Variants in ACTR2 observed in about 807,000 individuals in gnomAD.
ACTR2 encodes actin related protein 2, also known as actin-related protein 2.
ACTR2 carries 5 observed loss-of-function variants against 50.2 expected under a neutral mutation model. The ratio of observed to expected loss-of-function variants is 0.10; its 90% CI spans 0.05 to 0.21. The LOEUF (loss-of-function observed/expected upper bound fraction) is 0.21. Among genes scored for constraint, ACTR2 ranks in the 10% least tolerant of loss-of-function variants. The pLI, the probability that ACTR2 is intolerant of heterozygous loss-of-function variation, is 1.00. For synonymous variants in ACTR2, 140 were observed against 162.9 expected (o/e 0.86, Z 1.07); for missense variants, 180 against 480.6 (o/e 0.37, Z 5.85).
intron 6 of ACTR2, among the ~76,000 whole-genome samples, chr2:65,257,329 T>A (rs1315883545): frequency 6.6e-6 from 1 of 152,220 alleles, no homozygotes; most frequent in African/African-American, 2.4e-5. Context: ...TGTGCCACAT[T>A]TTCTTTATCC....
chr2:65,255,794 C>T, intron 6 of ACTR2, 100 bp downstream of exon 6: 1 of 1,139,564 alleles, frequency 8.8e-7, no homozygotes, highest in Middle Eastern at 2.1e-4. Context: ...GTATTTTTGT[C>T]TTGGGTTGTT....
At chr2:65,247,172 CTT>C (rs547002126) in intron 3 of ACTR2, among the ~76,000 whole-genome samples, 104 of 152,232 alleles carry the variant, frequency 6.8e-4, no homozygotes, top group African/African-American at 2.5e-3. Context: ...CACGTGCAAA[CTT>C]AACTACCACC....
chr2:65,260,609 G>T (rs1672249839), intron 6 of ACTR2, among the ~76,000 whole-genome samples: 1 of 152,060 alleles, frequency 6.6e-6, no homozygotes, highest in Non-Finnish European at 1.5e-5. Context: ...ACACATACCA[G>T]CAATAATCAA....
chr2:65,248,410 A>G (rs1173938519), intron 3 of ACTR2, among the ~76,000 whole-genome samples: 1 of 152,058 alleles, frequency 6.6e-6, no homozygotes, highest in East Asian at 1.9e-4. Context: ...AAAAAGAAAA[A>G]AAGGGAATTG....
At position 65,246,663 on chromosome 2, in the gene ACTR2, T is replaced by C. The variant is rs1388194705; in HGVS notation, c.299T>C (p.Ile100Thr). Reference sequence around the variant, plus strand: ...ACATTTGGACCAGAGAAACTTAATATAGATACCAGAAATTGTAAAATCTTA... The same window carrying C: ...ACATTTGGACCAGAGAAACTTAATACAGATACCAGAAATTGTAAAATCTTA... ...DYTFGPEKLN[I>T]DTRNCKILLT... The change falls in exon 3 of 9, where the codon ATA becomes ACA. Residue 100 changes from isoleucine to threonine, a missense_variant. Transcript: ENST00000260641. 1 of 1,613,586 alleles carries C rather than the reference T, an allele frequency of 6.2e-7. No homozygotes were observed. The highest frequency in any genetic ancestry group is 2.2e-5 in the East Asian group (1 of 44,788).
intron 6 of ACTR2, among the ~76,000 whole-genome samples, chr2:65,258,219 GT>G (rs1672189267): frequency 6.6e-6 from 1 of 152,144 alleles, no homozygotes; most frequent in Non-Finnish European, 1.5e-5. Flanking sequence ...AACTAGGAAT[GT>G]AAAACATGTT....
chr2:65,267,741 C>A (rs540521858), intron 8 of ACTR2, among the ~76,000 whole-genome samples: 22 of 151,440 alleles, frequency 1.5e-4, no homozygotes, highest in Non-Finnish European at 2.8e-4. Flanking sequence ...AAGAACATTT[C>A]ATTTGATTTT....
chr2:65,253,824 T>G lies in ACTR2; in HGVS notation c.545T>G (p.Leu182Arg). 1 of 1,613,106 alleles carries G rather than the reference T, an allele frequency of 6.2e-7. No homozygotes were observed. The highest frequency in any genetic ancestry group is 8.5e-7 in the Non-Finnish European group (1 of 1,179,074). Residue 182 changes from leucine to arginine, a missense_variant, in exon 5 of 9, where the codon CTG (leucine) becomes CGG (arginine). Coordinates refer to ENST00000260641, the MANE Select transcript of ACTR2 (RefSeq NM_005722.4). ...GFSLPHLTRR[L>R]DIAGRDITRY... ...TCTCTCCCTCATCTTACCAGGAGAC[T>G]GGATATTGCTGGGAGGGATATAACT...
At chr2:65,257,451 T>C (rs1243309087) in intron 6 of ACTR2, among the ~76,000 whole-genome samples, 2 of 152,358 alleles carry the variant, frequency 1.3e-5, no homozygotes, top group East Asian at 1.9e-4. Context: ...TTATAATCCT[T>C]TGGGTATATA....
intron 7 of ACTR2, 21 bp downstream of exon 7, chr2:65,261,413 T>C: frequency 6.3e-7 from 1 of 1,589,704 alleles, no homozygotes; most frequent in Non-Finnish European, 8.6e-7. Flanking sequence ...AGTGGTGATT[T>C]CAAAGTTATT....
intron 7 of ACTR2, among the ~76,000 whole-genome samples, chr2:65,263,625 A>G (rs1463239981): frequency 6.6e-6 from 1 of 152,246 alleles, no homozygotes; most frequent in African/African-American, 2.4e-5. Context: ...AACAAGCTAT[A>G]AACCTGGTAG....
intron 7 of ACTR2, among the ~76,000 whole-genome samples, chr2:65,264,784 C>T (rs1416532822): frequency 6.6e-6 from 1 of 152,076 alleles, no homozygotes; most frequent in Non-Finnish European, 1.5e-5. Flanking sequence ...TATTAGAAGT[C>T]TCAGTTATAT....
chr2:65,246,513 T>C lies in ACTR2; in HGVS notation c.160-11T>C. On this transcript the variant is annotated splice_polypyrimidine_tract_variant and intron_variant, in intron 2 of 8. Transcript: ENST00000260641. ...AAAACTTTGATCTACAGCTTTGACA[T>C]AATTTTCTAGGATCTTATGGTTGGT... The C allele has an allele frequency of 3.8e-6, 6 of 1,571,054 alleles. No individual in the cohort carries two copies. The highest frequency in any genetic ancestry group is 5.2e-6 in the Non-Finnish European group (6 of 1,159,150).
chr2:65,257,908 T>G (rs1341015787), intron 6 of ACTR2, among the ~76,000 whole-genome samples: 1 of 152,250 alleles, frequency 6.6e-6, no homozygotes, highest in Non-Finnish European at 1.5e-5. Context: ...TTCACTCTGA[T>G]GATAGTTTCT....
At chr2:65,258,672 G>A (rs536882447) in intron 6 of ACTR2, among the ~76,000 whole-genome samples, 1 of 152,254 alleles carries the variant, frequency 6.6e-6, no homozygotes, top group Admixed American at 6.5e-5. Context: ...ATAAGCTGAT[G>A]AATAAGTGAG....
chr2:65,246,377 G>A, intron 2 of ACTR2, 147 bp from the exon 3 acceptor site: 1 of 608,504 alleles, frequency 1.6e-6, no homozygotes, highest in Non-Finnish European at 2.8e-6. Flanking sequence ...AACTTTCTAA[G>A]ACATTGTTCT....
intron 7 of ACTR2, among the ~76,000 whole-genome samples, chr2:65,263,507 G>A (rs1207388820): frequency 6.6e-6 from 1 of 152,140 alleles, no homozygotes; most frequent in South Asian, 2.1e-4. Flanking sequence ...TGTACAGCAA[G>A]CATTTATTTG....
chr2:65,235,061 GATA>G (rs933156031), intron 1 of ACTR2, among the ~76,000 whole-genome samples: 3 of 152,086 alleles, frequency 2.0e-5, no homozygotes, highest in Non-Finnish European at 4.4e-5. Context: ...GAACAATAGG[GATA>G]ATGATGAGAA....
chr2:65,246,325 A>T, intron 2 of ACTR2, 199 bp from the exon 3 acceptor site: 1 of 448,574 alleles, frequency 2.2e-6, no homozygotes, highest in Non-Finnish European at 4.0e-6. Context: ...CAATTTATTG[A>T]TTTAAACCAC....
Sources: allele counts gnomAD v4.1 joint callset (sites outside exome capture counted in the v4.1 genomes callset), GRCh38; gene constraint gnomAD v4.1.1; transcripts MANE v1.5; gene names NCBI Gene and HGNC (gene_info 2026-07-23, HGNC 2026-07-21).